The following RORA variants were observed in gnomAD, a reference collection of about 807,000 sequenced individuals.
RORA encodes the protein nuclear receptor ROR-alpha.
A neutral mutation model predicts 69.5 loss-of-function variants in RORA; 7 were observed. The ratio of observed to expected loss-of-function variants is 0.10; its 90% CI spans 0.06 to 0.19. The LOEUF (loss-of-function observed/expected upper bound fraction) is 0.19. Among genes scored for constraint, RORA ranks in the 10% least tolerant of loss-of-function variants. The probability of loss-of-function intolerance (pLI) is 1.00; values close to 1 mark genes in which losing one functional copy is unlikely to be tolerated. For synonymous variants in RORA, 261 were observed against 240.8 expected, an observed-to-expected ratio of 1.08 and a Z score of -0.78; for missense variants, 457 against 663.0, an observed-to-expected ratio of 0.69 and a Z score of 3.41.
chr15:60,826,766 CCTCTCT>C (rs572975247), intron 1 of RORA, among the ~76,000 whole-genome samples: 90 of 126,086 alleles, frequency 7.1e-4, no homozygotes, highest in African/African-American at 2.9e-3. Context: ...TCTCTCTCTC[CCTCTCT>C]CTCTCTCTCT....
chr15:60,631,542 G>T (rs767625058), intron 2 of RORA, among the ~76,000 whole-genome samples: 2 of 152,134 alleles, frequency 1.3e-5, no homozygotes, highest in Non-Finnish European at 2.9e-5. Flanking sequence ...TTACCGGAGA[G>T]GTTGCTGACA....
chr15:60,891,637 C>T (rs1490083991), intron 1 of RORA, among the ~76,000 whole-genome samples: 3 of 152,234 alleles, frequency 2.0e-5, no homozygotes, highest in Non-Finnish European at 4.4e-5. Context: ...AACTGCACCT[C>T]CAAAGCCTGT....
chr15:60,716,857 G>A (rs760051318), intron 1 of RORA, among the ~76,000 whole-genome samples: 14 of 152,182 alleles, frequency 9.2e-5, no homozygotes, highest in Non-Finnish European at 1.9e-4. Context: ...TGGAAGCTCC[G>A]TTCCCCTTCC....
intron 1 of RORA, among the ~76,000 whole-genome samples, chr15:61,206,214 G>A (rs1311206752): frequency 6.6e-6 from 1 of 152,146 alleles, no homozygotes; most frequent in African/African-American, 2.4e-5. Context: ...CTAGTGCAGT[G>A]CCTGGTGAAT....
chr15:61,115,997 T>C (rs2079047145), intron 1 of RORA, among the ~76,000 whole-genome samples: 1 of 152,080 alleles, frequency 6.6e-6, no homozygotes. Context: ...AGATCCACCA[T>C]TAGTGAAACA....
At chr15:60,520,890 G>A (rs1458232251) in intron 3 of RORA, among the ~76,000 whole-genome samples, 1 of 152,210 alleles carries the variant, frequency 6.6e-6, no homozygotes, top group African/African-American at 2.4e-5. Context: ...AACATGGTGA[G>A]CTTGAGCCAG....
chr15:61,002,975 CA>C (rs59966691), intron 1 of RORA, among the ~76,000 whole-genome samples: 13,188 of 116,922 alleles, frequency 0.11, 692 homozygotes, highest in African/African-American at 0.17. Flanking sequence ...ACTAAAAATA[CA>C]AAAAAAAAAA....
At chr15:60,987,220 G>A (rs1894231109) in intron 1 of RORA, among the ~76,000 whole-genome samples, 1 of 152,168 alleles carries the variant, frequency 6.6e-6, no homozygotes, top group Non-Finnish European at 1.5e-5. Context: ...CATGGATGGT[G>A]TCTCCTTATT....
intron 1 of RORA, among the ~76,000 whole-genome samples, chr15:61,076,176 T>A (rs1220746556): frequency 6.6e-6 from 1 of 152,160 alleles, no homozygotes; most frequent in African/African-American, 2.4e-5. Flanking sequence ...GGAAGGTGTG[T>A]TAAAGCAGAG....
At chr15:61,216,123 T>C (rs182317773) in intron 1 of RORA, among the ~76,000 whole-genome samples, 41 of 152,326 alleles carry the variant, frequency 2.7e-4, no homozygotes, top group South Asian at 8.3e-4. Flanking sequence ...CTTGAATACT[T>C]TGACCTATCC....
At chr15:61,066,602 T>A (rs2140567481) in intron 1 of RORA, among the ~76,000 whole-genome samples, 1 of 151,896 alleles carries the variant, frequency 6.6e-6, no homozygotes, top group Admixed American at 6.6e-5. Context: ...AATTTTTTTG[T>A]ATTTTTGTGG....
chr15:60,577,833 C>G (rs1484474896), intron 2 of RORA, among the ~76,000 whole-genome samples: 1 of 152,010 alleles, frequency 6.6e-6, no homozygotes, highest in Non-Finnish European at 1.5e-5. Flanking sequence ...AAAAAGTTAG[C>G]ATGAAGAATA....
chr15:60,764,492 T>A (rs1047089510), intron 1 of RORA, among the ~76,000 whole-genome samples: 4 of 152,070 alleles, frequency 2.6e-5, no homozygotes, highest in Admixed American at 1.3e-4. Context: ...GTTTTTTTTT[T>A]ATCTCTGGCA....
intron 1 of RORA, among the ~76,000 whole-genome samples, chr15:60,843,773 TC>T (rs2140406244): frequency 6.6e-6 from 1 of 152,300 alleles, no homozygotes; most frequent in African/African-American, 2.4e-5. Flanking sequence ...GGCAAAGTTC[TC>T]CATTTTGGCA....
rs147402943 is a variant in RORA at position 60,916,873 on chromosome 15, G to A, written c.167-238187C>T. ...CCTAATCAGAACATGCTGATGTTTC[G>A]CTTAGCATACATTGCTTATTGCAAC... On this transcript the variant is annotated intron_variant, in intron 1 of 10. Transcript: ENST00000335670. Among the ~76,000 whole-genome samples, 20 of 152,284 alleles carry A rather than the reference G, an allele frequency of 1.3e-4. 1 individual carries two copies. Among genetic ancestry groups the A allele is most frequent in the Admixed American group, 7.2e-4 (11 of 15,296 alleles).
chr15:60,592,859 T>A, intron 2 of RORA: 1 of 472,208 alleles, frequency 2.1e-6, no homozygotes, highest in Non-Finnish European at 4.1e-6. Context: ...AACGCGCCTC[T>A]GACCACTTTC....
intron 1 of RORA, among the ~76,000 whole-genome samples, chr15:60,884,720 A>C (rs1567225251): frequency 6.6e-6 from 1 of 152,224 alleles, no homozygotes. Flanking sequence ...GTCAAAACCC[A>C]TTCTCTCTTG....
rs2140835949 is a variant in RORA at position 61,128,111 on chromosome 15, A to T, written c.166+100942T>A. 6.6e-6 allele frequency among the ~76,000 whole-genome samples: 1 copy of T among 152,286 alleles called. No homozygotes were observed. Among genetic ancestry groups the T allele is most frequent in the Admixed American group, 6.5e-5 (1 of 15,302 alleles). On this transcript the variant is annotated intron_variant, in intron 1 of 10. Transcript: ENST00000335670. The surrounding 1 kb of genome is among the most constrained non-coding windows in gnomAD (Gnocchi z 4.5). The stretch of plus-strand genomic sequence containing the variant: ...GCTTTTGGTTTCACACTGAAACATA[A>T]TTTCAAGAGTCAGCTTATTTATCAT...
chr15:60,552,748 G>T (rs1206970231), intron 2 of RORA, among the ~76,000 whole-genome samples: 1 of 152,202 alleles, frequency 6.6e-6, no homozygotes, highest in East Asian at 1.9e-4. Context: ...ATCTTCTTCT[G>T]AACTACATTT....
Sources: allele counts gnomAD v4.1 joint callset (sites outside exome capture counted in the v4.1 genomes callset), GRCh38; gene constraint gnomAD v4.1.1; non-coding constraint Gnocchi (gnomAD v3.1); transcripts MANE v1.5; gene names NCBI Gene and HGNC (gene_info 2026-07-23, HGNC 2026-07-21).